Variants in GFRA2 observed in about 807,000 individuals in gnomAD.
The protein encoded by GFRA2 is GDNF family receptor alpha-2.
A neutral mutation model predicts 48.3 loss-of-function variants in GFRA2; 17 were observed. That is an observed-to-expected ratio of 0.35 (90% confidence interval 0.24 to 0.53). The LOEUF (loss-of-function observed/expected upper bound fraction) is 0.53. Ranked by LOEUF, GFRA2 falls within the 20% of genes least tolerant of loss-of-function variation. The pLI is 0.93. For missense variants in GFRA2, 660 were observed against 637.3 expected, an observed-to-expected ratio of 1.04 and a Z score of -0.38; for synonymous variants, 305 against 257.2, an observed-to-expected ratio of 1.19 and a Z score of -1.78.
intron 4 of GFRA2, among the ~76,000 whole-genome samples, chr8:21,727,419 T>A (rs1049072366): frequency 6.6e-6 from 1 of 152,172 alleles, no homozygotes; most frequent in African/African-American, 2.4e-5. Flanking sequence ...TTGGGCCCTG[T>A]GTGACCCACT....
chr8:21,782,266 C>T (rs377466628), intron 2 of GFRA2, among the ~76,000 whole-genome samples: 1 of 151,476 alleles, frequency 6.6e-6, no homozygotes, highest in African/African-American at 2.4e-5. Flanking sequence ...TTGCTCCTAC[C>T]CAACCCCTGC....
chr8:21,786,836 C>T (rs983945937), intron 1 of GFRA2, among the ~76,000 whole-genome samples: 1 of 152,300 alleles, frequency 6.6e-6, no homozygotes, highest in South Asian at 2.1e-4. Context: ...CCAGCTCCTA[C>T]CTCCCCACTC....
chr8:21,710,725 G>C (rs546939854), intron 4 of GFRA2, among the ~76,000 whole-genome samples: 1 of 152,350 alleles, frequency 6.6e-6, no homozygotes, highest in South Asian at 2.1e-4. Flanking sequence ...GCCTTGGAGA[G>C]CTATTCATAG....
At chr8:21,770,874 A>G (rs1806404585) in intron 3 of GFRA2, among the ~76,000 whole-genome samples, 1 of 151,812 alleles carries the variant, frequency 6.6e-6, no homozygotes, top group South Asian at 2.1e-4. Flanking sequence ...TCCCTCCGCA[A>G]TCTCTCTTCC....
At chr8:21,794,509 C>A (rs1376019658) in intron 2 of GFRA2, among the ~76,000 whole-genome samples, 1 of 151,506 alleles carries the variant, frequency 6.6e-6, no homozygotes, top group Non-Finnish European at 1.5e-5. Flanking sequence ...CCTTGGCCTC[C>A]CAAAGTGCTG....
intron 3 of GFRA2, among the ~76,000 whole-genome samples, chr8:21,770,604 C>A (rs929866756): frequency 2.0e-5 from 3 of 152,212 alleles, no homozygotes; most frequent in African/African-American, 7.2e-5. Context: ...ATGCCCAAGC[C>A]TCTAGCCACA....
intron 3 of GFRA2, among the ~76,000 whole-genome samples, chr8:21,774,255 G>C (rs1461121690): frequency 2.6e-5 from 4 of 151,292 alleles, no homozygotes; most frequent in African/African-American, 9.7e-5. Flanking sequence ...AGAGAACAAA[G>C]CCGAGAAGAA....
At chr8:21,698,897 C>T (rs1229826996) in intron 7 of GFRA2, among the ~76,000 whole-genome samples, 1 of 152,164 alleles carries the variant, frequency 6.6e-6, no homozygotes, top group African/African-American at 2.4e-5. Flanking sequence ...CACTGCAACC[C>T]CACACCCATT....
At chr8:21,776,101 A>G (rs1806693549) in intron 2 of GFRA2, among the ~76,000 whole-genome samples, 2 of 151,666 alleles carry the variant, frequency 1.3e-5, no homozygotes, top group African/African-American at 4.9e-5. Flanking sequence ...CCTGGTGCCC[A>G]GGCAGGCACC....
intron 3 of GFRA2, among the ~76,000 whole-genome samples, chr8:21,770,396 A>T (rs1018470457): frequency 1.1e-4 from 17 of 152,350 alleles, no homozygotes; most frequent in Non-Finnish European, 1.8e-4. Flanking sequence ...CCTCAGAGGT[A>T]GGTGTTGCCA....
At chr8:21,757,908 T>C (rs1487178151) in intron 3 of GFRA2, among the ~76,000 whole-genome samples, 1 of 152,196 alleles carries the variant, frequency 6.6e-6, no homozygotes, top group Non-Finnish European at 1.5e-5. Context: ...ACACCTATGT[T>C]GGTTCTGAAT....
At chr8:21,798,725 C>T (rs1016790100) in intron 2 of GFRA2, among the ~76,000 whole-genome samples, 2 of 152,192 alleles carry the variant, frequency 1.3e-5, no homozygotes, top group Non-Finnish European at 2.9e-5. Flanking sequence ...GACCACCCTT[C>T]GCTATCTGTT....
At chr8:21,737,664 C>A (rs112890863) in intron 4 of GFRA2, among the ~76,000 whole-genome samples, 10 of 152,174 alleles carry the variant, frequency 6.6e-5, no homozygotes, top group African/African-American at 1.9e-4. Flanking sequence ...CTGCCTCCCC[C>A]TCCTGTCCTC....
At chr8:21,693,428 G>T (rs145837014) in intron 8 of GFRA2, 28 bp from the exon 9 acceptor site, 2 of 1,582,422 alleles carry the variant, frequency 1.3e-6, no homozygotes, top group Non-Finnish European at 1.7e-6. Flanking sequence ...GAAGAATCAG[G>T]AACAAAGAGA....
chr8:21,698,138 G>C (rs1802301634), intron 7 of GFRA2, among the ~76,000 whole-genome samples: 1 of 152,164 alleles, frequency 6.6e-6, no homozygotes, highest in Admixed American at 6.5e-5. Context: ...AGGCATCTGT[G>C]GCTCCAGTCC....
intron 4 of GFRA2, among the ~76,000 whole-genome samples, chr8:21,744,755 G>C (rs948160997): frequency 6.6e-6 from 1 of 152,250 alleles, no homozygotes; most frequent in Non-Finnish European, 1.5e-5. Context: ...TTATCAGAAG[G>C]CTTTTAAAGG....
chr8:21,785,284 TC>T (rs1807216013), intron 1 of GFRA2, among the ~76,000 whole-genome samples: 1 of 152,016 alleles, frequency 6.6e-6, no homozygotes, highest in African/African-American at 2.4e-5. Flanking sequence ...ACTGAGGGCT[TC>T]CCCCATCCTG....
intron 7 of GFRA2, among the ~76,000 whole-genome samples, chr8:21,699,058 C>T (rs1294971968): frequency 1.3e-5 from 2 of 152,242 alleles, no homozygotes; most frequent in Non-Finnish European, 2.9e-5. Flanking sequence ...CCTTCTCCCT[C>T]ATAGCCATGT....
chr8:21,740,243 C>G (rs969228848), intron 4 of GFRA2, among the ~76,000 whole-genome samples: 1 of 152,188 alleles, frequency 6.6e-6, no homozygotes, highest in African/African-American at 2.4e-5. Flanking sequence ...CACTGTTGAG[C>G]TCTCCTCAGC....
Sources: gnomAD v4.1 joint callset for allele counts (sites outside exome capture counted in the v4.1 genomes callset) on GRCh38, gnomAD v4.1.1 for gene constraint, MANE v1.5 for transcripts, NCBI Gene and HGNC (gene_info 2026-07-23, HGNC 2026-07-21) for gene names.